The following KCNMA1 variants were observed in gnomAD, a reference collection of about 807,000 sequenced individuals.
KCNMA1 encodes the protein potassium calcium-activated channel subfamily M alpha 1.
A neutral mutation model predicts 140.0 loss-of-function variants in KCNMA1; 29 were observed. That is an observed-to-expected ratio of 0.21 (90% CI 0.15 to 0.28). KCNMA1 has a LOEUF of 0.28. Ranked by LOEUF, KCNMA1 falls within the 10% of genes least tolerant of loss-of-function variation. The pLI is 1.00. For missense variants in KCNMA1, 880 were observed against 1,602.2 expected (o/e 0.55, Z 7.70); for synonymous variants, 612 against 611.9 (o/e 1.00, Z 0.00).
intron 1 of KCNMA1, among the ~76,000 whole-genome samples, chr10:77,552,460 A>C (rs896094399): frequency 6.6e-6 from 1 of 152,216 alleles, no homozygotes; most frequent in African/African-American, 2.4e-5. Context: ...TAGGGCAAGC[A>C]CTTAGCACAG....
chr10:77,438,233 C>A (rs1423590051), intron 1 of KCNMA1, among the ~76,000 whole-genome samples: 2 of 151,940 alleles, frequency 1.3e-5, no homozygotes, highest in African/African-American at 4.8e-5. Context: ...GAAAACTAGA[C>A]TTTCATGTGG....
chr10:77,531,397 G>A (rs1376330919), intron 1 of KCNMA1, among the ~76,000 whole-genome samples: 1 of 152,186 alleles, frequency 6.6e-6, no homozygotes, highest in Non-Finnish European at 1.5e-5. Context: ...GACAGAAGGA[G>A]AGCACTGTAT....
intron 23 of KCNMA1, among the ~76,000 whole-genome samples, chr10:76,934,288 C>A (rs1274284300): frequency 6.6e-6 from 1 of 152,142 alleles, no homozygotes; most frequent in East Asian, 1.9e-4. Context: ...CCATTTATTT[C>A]TTTATTTTTT....
At chr10:77,408,075 G>T (rs912631324) in intron 1 of KCNMA1, among the ~76,000 whole-genome samples, 1 of 152,118 alleles carries the variant, frequency 6.6e-6, no homozygotes, top group East Asian at 1.9e-4. Context: ...GCACAGGGTG[G>T]ACCCCAGACC....
chr10:77,599,468 C>T (rs1042423628), intron 1 of KCNMA1, among the ~76,000 whole-genome samples: 11 of 152,054 alleles, frequency 7.2e-5, no homozygotes, highest in Non-Finnish European at 1.6e-4. Flanking sequence ...TGTGGTATTG[C>T]GCTGGCTCTG....
intron 1 of KCNMA1, among the ~76,000 whole-genome samples, chr10:77,429,653 G>A (rs1206720793): frequency 2.0e-5 from 3 of 152,080 alleles, no homozygotes; most frequent in Non-Finnish European, 4.4e-5. Flanking sequence ...AAAAAGTTCT[G>A]CAATAAGAAG....
At chr10:76,921,315 T>A (rs999575569) in intron 23 of KCNMA1, among the ~76,000 whole-genome samples, 8 of 152,156 alleles carry the variant, frequency 5.3e-5, no homozygotes, top group African/African-American at 1.9e-4. Context: ...AAAGACATGT[T>A]AAAATCAAGA....
chr10:76,953,332 A>G (rs35646612), intron 21 of KCNMA1, among the ~76,000 whole-genome samples: 33,936 of 152,240 alleles, frequency 0.22, 4,418 homozygotes, highest in East Asian at 0.47. Flanking sequence ...AATAATAGTA[A>G]GAATAAGAGG....
At chr10:77,292,817 C>A (rs2073740891) in intron 2 of KCNMA1, among the ~76,000 whole-genome samples, 1 of 152,210 alleles carries the variant, frequency 6.6e-6, no homozygotes, top group African/African-American at 2.4e-5. Flanking sequence ...CAGATCCCTG[C>A]CCTCTTAGAA....
intron 18 of KCNMA1, among the ~76,000 whole-genome samples, chr10:77,003,736 G>A (rs1369673550): frequency 1.3e-5 from 2 of 152,182 alleles, no homozygotes; most frequent in South Asian, 4.1e-4. Context: ...TTGGGTTTAT[G>A]TACAATAATA....
At chr10:77,416,099 C>T (rs1199058284) in intron 1 of KCNMA1, among the ~76,000 whole-genome samples, 1 of 152,160 alleles carries the variant, frequency 6.6e-6, no homozygotes, top group Non-Finnish European at 1.5e-5. Flanking sequence ...AGCCCAAATG[C>T]CTCATTCTAC....
intron 1 of KCNMA1, among the ~76,000 whole-genome samples, chr10:77,518,915 C>T (rs370261532): frequency 6.6e-6 from 1 of 152,236 alleles, no homozygotes; most frequent in African/African-American, 2.4e-5. Context: ...GACTGTCTCC[C>T]TGCTGCCCAG....
rs534400139 is a variant in KCNMA1, at chr10:77,320,993, A to C, written c.541-69737T>G. ...CCTCAGTGGTTCATCTCCCTCATTC[A>C]CATCCCCCATCAAAATATGTCTGAC... On this transcript the variant is annotated intron_variant, in intron 2 of 27. Coordinates refer to ENST00000286628, the MANE Select transcript of KCNMA1 (RefSeq NM_001161352.2). 7.2e-5 allele frequency among the ~76,000 whole-genome samples: 11 copies of C among 152,298 alleles called. No homozygotes were observed. In the South Asian group the frequency reaches 2.1e-3, roughly 29 times the overall value.
intron 2 of KCNMA1, among the ~76,000 whole-genome samples, chr10:77,260,179 C>G (rs890691964): frequency 4.6e-5 from 7 of 152,070 alleles, no homozygotes; most frequent in Non-Finnish European, 1.0e-4. Context: ...GAGACACACA[C>G]AGGGATAGCA....
intron 2 of KCNMA1, among the ~76,000 whole-genome samples, chr10:77,344,362 T>A (rs1302328832): frequency 6.6e-6 from 1 of 152,046 alleles, no homozygotes; most frequent in Non-Finnish European, 1.5e-5. Context: ...AGGGATCAGG[T>A]GAAGGAAGCA....
intron 1 of KCNMA1, among the ~76,000 whole-genome samples, chr10:77,620,659 C>T (rs1161154020): frequency 2.0e-5 from 3 of 152,178 alleles, no homozygotes; most frequent in African/African-American, 4.8e-5. Context: ...GTCATAACCC[C>T]ACATCCCCAG....
In KCNMA1 at chr10:77,620,017, C is replaced by T. The variant is rs543751723; in HGVS notation, c.378+17248G>A. Among the ~76,000 whole-genome samples the T allele has an allele frequency of 3.3e-5, 5 of 152,276 alleles. No homozygotes were observed. In the South Asian group the frequency reaches 1.0e-3, roughly 32 times the overall value. ...GCCAGGTCATCTCCGCTTTTCCCAG[C>T]AGGGATGTTGATCAGACCTGGGCAC... On this transcript the variant is annotated intron_variant, in intron 1 of 27. Transcript: ENST00000286628.
At chr10:77,635,200 A>G (rs1173843160) in intron 1 of KCNMA1, 1 of 152,206 alleles carries the variant, frequency 6.6e-6, no homozygotes, top group Non-Finnish European at 1.5e-5. Flanking sequence ...ATGCTTGCTC[A>G]TCATTTAGGA....
At position 76,984,049 on chromosome 10, in the gene KCNMA1, T is replaced by G. The variant is rs1288361193; in HGVS notation, c.2267-13982A>C. On this transcript the variant is annotated intron_variant, in intron 19 of 27. Coordinates refer to ENST00000286628, the MANE Select transcript of KCNMA1 (RefSeq NM_001161352.2). ...TGCCCTAGTTGATGAGCTGATCAAC[T>G]TTTCTGTGAAAAGTCTTCCTAAAAA... 3.3e-5 allele frequency among the ~76,000 whole-genome samples: 5 copies of G among 152,214 alleles called. No homozygotes were observed. In the East Asian group the frequency reaches 9.6e-4, roughly 29 times the overall value.
Sources: gnomAD v4.1 joint callset for allele counts (sites outside exome capture counted in the v4.1 genomes callset) on GRCh38, gnomAD v4.1.1 for gene constraint, MANE v1.5 for transcripts, NCBI Gene and HGNC (gene_info 2026-07-23, HGNC 2026-07-21) for gene names.